Variants in SMAP2 observed in about 807,000 individuals in gnomAD.
SMAP2 encodes small ArfGAP2.
Under a neutral mutation model 56.4 loss-of-function variants are expected in SMAP2, and 25 were observed. That is an observed-to-expected ratio of 0.44 (90% CI 0.32 to 0.62). SMAP2 has a LOEUF of 0.62. SMAP2 is among the 20% of genes least tolerant of loss of function. The pLI, the probability that SMAP2 is intolerant of heterozygous loss-of-function variation, is 0.04. For missense variants in SMAP2, 388 were observed against 545.6 expected (o/e 0.71, Z 2.88); for synonymous variants, 157 against 181.7 (o/e 0.86, Z 1.09).
intron 1 of SMAP2, among the ~76,000 whole-genome samples, chr1:40,389,573 G>T (rs923714237): frequency 2.0e-5 from 3 of 152,178 alleles, no homozygotes; most frequent in Non-Finnish European, 4.4e-5. Flanking sequence ...TGTGGTAATT[G>T]CTTCTTTGTG....
At position 40,380,749 on chromosome 1, in the gene SMAP2, C is replaced by T. The variant is rs971105175; in HGVS notation, c.103+6526C>T. 9.9e-5 allele frequency among the ~76,000 whole-genome samples: 15 copies of T among 152,142 alleles called. 1 individual carries two copies. The highest frequency in any genetic ancestry group is 5.8e-4 in the East Asian group (3 of 5,166). On this transcript the variant is annotated intron_variant, in intron 1 of 9. Transcript: ENST00000372718. The stretch of plus-strand genomic sequence containing the variant: ...TTCATCATGTTGGCCAGGCTGGTCT[C>T]GAACTCCTGACCTCAGGTGATCGCC...
In SMAP2 at chr1:40,408,635, C is replaced by T. The variant is rs1644907566; in HGVS notation, c.238-18C>T. The T allele has an allele frequency of 1.2e-6, 2 of 1,606,198 alleles. No individual in the cohort carries two copies. The highest frequency in any genetic ancestry group is 2.7e-5 in the African/African-American group (2 of 74,740). On this transcript the variant is annotated intron_variant, in intron 2 of 9. Transcript: ENST00000372718. This position sits in a 1 kb window ranked among gnomAD's most constrained non-coding sequence, Gnocchi z 4.3. ...CTTGATCTGACGTTCCATGTTTCTA[C>T]ATTCTCTTTGGTCACAGTGCATGCA...
At chr1:40,416,075 T>A (rs1450912694) in intron 7 of SMAP2, 101 bp from the exon 8 acceptor site, 1 of 1,127,092 alleles carries the variant, frequency 8.9e-7, no homozygotes, top group African/African-American at 1.6e-5. Context: ...AGCCATGAAT[T>A]CTTATTGCAG....
chr1:40,365,460 T>C (rs1008945693), intron 2 of SMAP2, among the ~76,000 whole-genome samples: 9 of 152,328 alleles, frequency 5.9e-5, no homozygotes, highest in African/African-American at 2.2e-4. Context: ...ATCCATTAGA[T>C]ACAGTGCAAC....
intron 1 of SMAP2, among the ~76,000 whole-genome samples, chr1:40,345,481 A>C (rs1644381909): frequency 6.6e-6 from 1 of 151,490 alleles, no homozygotes; most frequent in Non-Finnish European, 1.5e-5. Context: ...ACACAAGCAC[A>C]ATTTTCATTT....
chr1:40,377,778 C>T (rs745317553), intron 1 of SMAP2, among the ~76,000 whole-genome samples: 2 of 152,150 alleles, frequency 1.3e-5, no homozygotes, highest in Admixed American at 1.3e-4. Flanking sequence ...ATTGCTAAGC[C>T]ACCCCGTCAG....
chr1:40,376,044 G>A (rs1341163354), intron 1 of SMAP2, among the ~76,000 whole-genome samples: 2 of 151,962 alleles, frequency 1.3e-5, no homozygotes, highest in African/African-American at 4.8e-5. Context: ...TCTGCCTCCC[G>A]GGTTCAAGTG....
rs181409223 is a variant in SMAP2, at chr1:40,385,238, T to C, written c.103+11015T>C. ...ACTCGGTAGTAGTAGAATTTTATTA[T>C]TGTTGCTTTTTTTCATTTTCAATTA... On this transcript the variant is annotated intron_variant, in intron 1 of 9. Transcript: ENST00000372718. The surrounding 1 kb of genome is among the most constrained non-coding windows in gnomAD (Gnocchi z 4.5). Among the ~76,000 whole-genome samples the C allele has an allele frequency of 5.2e-4, 79 of 152,306 alleles. No individual in the cohort carries two copies. The highest frequency in any genetic ancestry group is 1.8e-3 in the African/African-American group (75 of 41,566).
rs148611104 is a variant in SMAP2, at chr1:40,415,377, G to A, written c.677G>A (p.Arg226Lys). Residue 226 changes from arginine (R) to lysine (K), a missense_variant, in exon 7 of 10, where the codon AGA becomes AAA. Transcript: ENST00000372718. Reference sequence around the variant, plus strand: ...CCATCCCCTTCTTCTTCCGGTTCCAGAAAGGTGAGTCTTGTGGGCTCCTCA... The same window carrying A: ...CCATCCCCTTCTTCTTCCGGTTCCAAAAAGGTGAGTCTTGTGGGCTCCTCA... ...SVPSPSSSGSRKVVGSMPTAG... is the reference protein window; with the variant it reads ...SVPSPSSSGSKKVVGSMPTAG... 9 of 1,597,532 alleles carry A rather than the reference G, an allele frequency of 5.6e-6. No homozygotes were observed. The Admixed American group carries it at 1.3e-4, about 24-fold the overall frequency.
In SMAP2 at chr1:40,354,767, A is replaced by ATTTTTTTTTTTTTTTTTTT. The variant is rs774191085; in HGVS notation, c.-82-7524_-82-7506dup. The stretch of plus-strand genomic sequence containing the variant: ...GCAGTGAAATGAACCAAAACATTGA[A>ATTTTTTTTTTTTTTTTTTT]TTTTTTTTTTTTTTTTTTTTTTTTT... On this transcript the variant is annotated intron_variant, in intron 1 of 6. Coordinates refer to the SMAP2 transcript ENST00000435168. 5.9e-5 allele frequency among the ~76,000 whole-genome samples: 4 copies of ATTTTTTTTTTTTTTTTTTT among 67,330 alleles called. 1 individual carries two copies. Among genetic ancestry groups the ATTTTTTTTTTTTTTTTTTT allele is most frequent in the Non-Finnish European group, 1.0e-4 (4 of 39,594 alleles). 44.2% of individuals were successfully genotyped at this position (67,330 alleles called of 152,430 possible).
intron 1 of SMAP2, among the ~76,000 whole-genome samples, chr1:40,392,143 C>T (rs1644723182): frequency 6.6e-6 from 1 of 152,186 alleles, no homozygotes; most frequent in Non-Finnish European, 1.5e-5. Flanking sequence ...AATCTTTGGA[C>T]TTGCTACATT....
At chr1:40,398,125 G>A (rs1644790564) in intron 1 of SMAP2, among the ~76,000 whole-genome samples, 1 of 152,188 alleles carries the variant, frequency 6.6e-6, no homozygotes, top group Middle Eastern at 3.4e-3. Context: ...ATTCAGAGAG[G>A]ATATATAGAG....
chr1:40,374,044 C>A lies in SMAP2; in HGVS notation c.-77C>A. 1 of 1,195,728 alleles carries A rather than the reference C, an allele frequency of 8.4e-7. No individual in the cohort carries two copies. The highest frequency in any genetic ancestry group is 1.2e-6 in the Non-Finnish European group (1 of 823,074). 74.1% of individuals were successfully genotyped at this position (1,195,728 alleles called of 1,614,324 possible). On this transcript the variant is annotated 5_prime_UTR_variant, in exon 1 of 10. Coordinates refer to ENST00000372718, the MANE Select transcript of SMAP2 (RefSeq NM_022733.3). This position sits in a 1 kb window ranked among gnomAD's most constrained non-coding sequence, Gnocchi z 5.9. ...GCCCCTGGGCGGGGGACCGGGAGTC[C>A]TCAACCCCGGACTGAGGCAGGGGTC... is the stretch of plus-strand genomic sequence containing the variant.
intron 3 of SMAP2, among the ~76,000 whole-genome samples, chr1:40,409,088 G>A (rs1322719251): frequency 1.3e-5 from 2 of 152,214 alleles, no homozygotes; most frequent in Non-Finnish European, 2.9e-5. Flanking sequence ...CTGGCAGTCA[G>A]CAAAATTGCC....
chr1:40,350,409 T>TGAC (rs1468308109), intron 1 of SMAP2, among the ~76,000 whole-genome samples: 9 of 152,254 alleles, frequency 5.9e-5, no homozygotes, highest in African/African-American at 2.2e-4. Flanking sequence ...CCCTATTGCG[T>TGAC]GACACCATAA....
chr1:40,357,746 A>C (rs1644442961), intron 1 of SMAP2, among the ~76,000 whole-genome samples: 1 of 151,954 alleles, frequency 6.6e-6, no homozygotes, highest in African/African-American at 2.4e-5. Flanking sequence ...AGGTGTATGG[A>C]TTTGTTTCAG....
intron 1 of SMAP2, among the ~76,000 whole-genome samples, chr1:40,396,223 G>T (rs1644770645): frequency 1.3e-5 from 2 of 152,184 alleles, no homozygotes; most frequent in Admixed American, 1.3e-4. Context: ...GGTAGGAAGA[G>T]AGATTAATGG....
At chr1:40,412,966 C>A in intron 4 of SMAP2, 50 bp from the exon 5 acceptor site, 2 of 1,348,218 alleles carry the variant, frequency 1.5e-6, no homozygotes, top group Non-Finnish European at 2.1e-6. Context: ...ATTTATCCAA[C>A]TATTAGTCAC....
chr1:40,347,195 C>T (rs1160310956), intron 1 of SMAP2, among the ~76,000 whole-genome samples: 1 of 151,096 alleles, frequency 6.6e-6, no homozygotes, highest in Non-Finnish European at 1.5e-5. Flanking sequence ...AGGTGCACCA[C>T]CACGCCTGGC....
Sources: allele counts gnomAD v4.1 joint callset (sites outside exome capture counted in the v4.1 genomes callset), GRCh38; gene constraint gnomAD v4.1.1; non-coding constraint Gnocchi (gnomAD v3.1); transcripts MANE v1.5; gene names NCBI Gene and HGNC (gene_info 2026-07-23, HGNC 2026-07-21).